RMDN2: variants seen among roughly 807,000 people sequenced by gnomAD.
The protein encoded by RMDN2 is regulator of microtubule dynamics protein 2.
A neutral mutation model predicts 52.8 loss-of-function variants in RMDN2; 61 were observed. That is an observed-to-expected ratio of 1.16 (90% CI 0.94 to 1.43). The LOEUF (loss-of-function observed/expected upper bound fraction) is 1.43. RMDN2 is among the 40% of genes most tolerant of loss of function. The pLI is 0.00. For synonymous variants in RMDN2, 180 were observed against 153.1 expected, an observed-to-expected ratio of 1.18 and a Z score of -1.30; for missense variants, 592 against 475.3, an observed-to-expected ratio of 1.25 and a Z score of -2.28.
At chr2:38,005,249 T>TA (rs1676915401) in intron 10 of RMDN2, among the ~76,000 whole-genome samples, 1 of 152,260 alleles carries the variant, frequency 6.6e-6, no homozygotes, top group Non-Finnish European at 1.5e-5. Flanking sequence ...ATGGTATTTC[T>TA]AGTTCTAGAT....
chr2:37,979,842 C>T (rs1284469662), intron 4 of RMDN2, among the ~76,000 whole-genome samples: 2 of 152,028 alleles, frequency 1.3e-5, no homozygotes, highest in Non-Finnish European at 1.5e-5. Context: ...GGTAATGTAG[C>T]TAAAAAATTG....
intron 10 of RMDN2, among the ~76,000 whole-genome samples, chr2:38,049,473 T>G (rs537899980): frequency 7.9e-4 from 120 of 152,358 alleles, no homozygotes; most frequent in African/African-American, 2.7e-3. Context: ...ATTATTTAAT[T>G]CTGTGTTTTA....
intron 10 of RMDN2, among the ~76,000 whole-genome samples, chr2:38,022,775 A>G (rs1679487990): frequency 6.6e-6 from 1 of 152,204 alleles, no homozygotes; most frequent in Non-Finnish European, 1.5e-5. Context: ...TTCATTTGAT[A>G]ATATTTTTAT....
At chr2:38,010,587 C>T (rs186819337) in intron 10 of RMDN2, among the ~76,000 whole-genome samples, 187 of 152,294 alleles carry the variant, frequency 1.2e-3, no homozygotes, top group Non-Finnish European at 2.1e-3. Flanking sequence ...GGGAGTGACC[C>T]GATCTTCCAG....
chr2:37,977,192 G>T (rs945590985), intron 4 of RMDN2, among the ~76,000 whole-genome samples: 2 of 152,210 alleles, frequency 1.3e-5, no homozygotes, highest in African/African-American at 4.8e-5. Flanking sequence ...AGCATCCCAA[G>T]GCAGAAGAAT....
intron 5 of RMDN2, among the ~76,000 whole-genome samples, chr2:37,988,670 A>T (rs541245695): frequency 6.6e-6 from 1 of 152,240 alleles, no homozygotes; most frequent in East Asian, 1.9e-4. Flanking sequence ...CTTAGTTACT[A>T]TGACAATGCA....
At chr2:38,007,177 G>T (rs748918099) in intron 10 of RMDN2, among the ~76,000 whole-genome samples, 19 of 152,034 alleles carry the variant, frequency 1.2e-4, no homozygotes, top group Non-Finnish European at 2.1e-4. Context: ...TTTTTTTGTT[G>T]TATCTCTGCC....
intron 3 of RMDN2, chr2:37,974,639 TA>T (rs11354317): frequency 0.45 from 64,427 of 143,928 alleles, 15,673 homozygotes; most frequent in East Asian, 0.81. Context: ...CCACCACCAC[TA>T]AAAAAAATAA....
At chr2:38,024,746 T>G (rs1408351034) in intron 10 of RMDN2, among the ~76,000 whole-genome samples, 1 of 152,186 alleles carries the variant, frequency 6.6e-6, no homozygotes, top group South Asian at 2.1e-4. Flanking sequence ...TAATACTCTA[T>G]AACATATCTA....
At chr2:37,970,106 A>G (rs1671598034) in intron 2 of RMDN2, among the ~76,000 whole-genome samples, 1 of 151,756 alleles carries the variant, frequency 6.6e-6, no homozygotes. Flanking sequence ...CTAATTTTTT[A>G]ATTTTTTGTA....
At chr2:38,049,444 T>G (rs1681461331) in intron 10 of RMDN2, among the ~76,000 whole-genome samples, 1 of 152,202 alleles carries the variant, frequency 6.6e-6, no homozygotes. Context: ...AAGAGTGGAA[T>G]GTGAAGGCTG....
At chr2:37,955,411 A>T (rs1307931594) in intron 2 of RMDN2, among the ~76,000 whole-genome samples, 1 of 152,112 alleles carries the variant, frequency 6.6e-6, no homozygotes, top group African/African-American at 2.4e-5. Flanking sequence ...AAAGGTGATA[A>T]ATTTTGTCAA....
At chr2:38,064,991 G>A (rs781601357) in intron 10 of RMDN2, among the ~76,000 whole-genome samples, 2 of 152,108 alleles carry the variant, frequency 1.3e-5, no homozygotes, top group African/African-American at 2.4e-5. Context: ...CTAATCATGC[G>A]TATGGCATGC....
intron 10 of RMDN2, among the ~76,000 whole-genome samples, chr2:38,054,318 G>A (rs1272587384): frequency 6.6e-6 from 1 of 152,220 alleles, no homozygotes; most frequent in Non-Finnish European, 1.5e-5. Flanking sequence ...GAAAGACTCA[G>A]TAAAGTTGAC....
At chr2:38,051,883 A>C (rs904048673) in intron 10 of RMDN2, among the ~76,000 whole-genome samples, 1 of 152,040 alleles carries the variant, frequency 6.6e-6, no homozygotes, top group South Asian at 2.1e-4. Context: ...ACAGTATTCC[A>C]TTGGGTATAT....
At chr2:37,926,424 A>G (rs186846132) in intron 1 of RMDN2, among the ~76,000 whole-genome samples, 76 of 152,246 alleles carry the variant, frequency 5.0e-4, no homozygotes, top group African/African-American at 1.7e-3. Flanking sequence ...TCTCATCTCA[A>G]CCTTTAATAT....
At chr2:37,987,590 T>C (rs1377139598) in intron 5 of RMDN2, among the ~76,000 whole-genome samples, 1 of 152,204 alleles carries the variant, frequency 6.6e-6, no homozygotes, top group East Asian at 1.9e-4. Context: ...AGTAAAACTT[T>C]TATGTAACAC....
intron 10 of RMDN2, among the ~76,000 whole-genome samples, chr2:38,055,314 A>C (rs966313283): frequency 6.6e-6 from 1 of 151,992 alleles, no homozygotes. Flanking sequence ...GGAAAAAAAA[A>C]CAGACTCCTC....
At chr2:37,952,250 C>T in intron 2 of RMDN2, 1 of 1,570,024 alleles carries the variant, frequency 6.4e-7, no homozygotes, top group Non-Finnish European at 8.7e-7. Flanking sequence ...AAATAGTTTT[C>T]CCACCAGTCA....
Sources: allele counts gnomAD v4.1 joint callset (sites outside exome capture counted in the v4.1 genomes callset), GRCh38; gene constraint gnomAD v4.1.1; transcripts MANE v1.5; gene names NCBI Gene and HGNC (gene_info 2026-07-23, HGNC 2026-07-21).